The following TMEM175 variants were observed in gnomAD, a reference collection of about 807,000 sequenced individuals.
TMEM175 encodes the protein endosomal/lysosomal proton channel TMEM175.
TMEM175 carries 36 observed loss-of-function variants against 36.5 expected under a neutral mutation model. That is an observed-to-expected ratio of 0.99 (90% CI 0.76 to 1.30). The LOEUF (loss-of-function observed/expected upper bound fraction) is 1.30, where lower values mean the gene tolerates loss of function less well. Ranked by LOEUF, TMEM175 falls within the 50% of genes most tolerant of loss-of-function variation. The pLI, the probability that TMEM175 is intolerant of heterozygous loss-of-function variation, is 0.00. For missense variants in TMEM175, 705 were observed against 692.8 expected (o/e 1.02, Z -0.20); for synonymous variants, 339 against 313.4 (o/e 1.08, Z -0.86).
At position 957,857 on chromosome 4, in the gene TMEM175, G is replaced by A. The variant is rs536166698; in HGVS notation, c.876G>A (p.Lys292=). The A allele has an allele frequency of 2.5e-6, 4 of 1,612,184 alleles. No homozygotes were observed. Among genetic ancestry groups the A allele is most frequent in the Non-Finnish European group, 3.4e-6 (4 of 1,179,676 alleles). The part of the protein sequence containing the change: ...EDNVPDPKDV[K]ERFSGSLVAA... Reference sequence around the variant, plus strand: ...ACGTCCCGGACCCCAAGGATGTGAAGGAGAGGTTCAGCGGCAGCCTCGTGG... The same window carrying A: ...ACGTCCCGGACCCCAAGGATGTGAAAGAGAGGTTCAGCGGCAGCCTCGTGG... The change falls in exon 11 of 11, where the codon AAG becomes AAA. Residue 292 remains lysine (K), a synonymous_variant. Transcript: ENST00000264771.
Position 951,239 on chromosome 4 carries a change from C to T in TMEM175, c.323C>T (p.Thr108Ile). The change falls in exon 5 of 11, where the codon ACA becomes ATA. Residue 108 changes from threonine to isoleucine, a missense_variant. By Grantham distance (89) the Thr-to-Ile change is moderately conservative (BLOSUM62 -1). Transcript: ENST00000264771. The stretch of plus-strand genomic sequence containing the variant: ...CAAGTTGTTGGGAAAACAGACGACA[C>T]ACTTGCCCTGCTCAACCTGGTGAGT... Reference protein sequence around the residue: ...LFQVVGKTDDTLALLNLACMM... With the variant: ...LFQVVGKTDDILALLNLACMM... 2 of 1,614,114 alleles carry T rather than the reference C, an allele frequency of 1.2e-6. No homozygotes were observed. The highest frequency in any genetic ancestry group is 1.1e-5 in the South Asian group (1 of 91,084).
chr4:946,864 C>T (rs1199528345), intron 1 of TMEM175, among the ~76,000 whole-genome samples: 1 of 150,822 alleles, frequency 6.6e-6, no homozygotes, highest in Non-Finnish European at 1.5e-5. Flanking sequence ...CACGCGTGCA[C>T]AGGCGCCGAG....
At chr4:952,312 T>G in intron 6 of TMEM175, 55 bp from the exon 7 acceptor site, 2 of 1,519,708 alleles carry the variant, frequency 1.3e-6, no homozygotes, top group Non-Finnish European at 1.8e-6. Context: ...TTCCAGGCTC[T>G]GGGGCCTGGT....
intron 3 of TMEM175, chr4:948,672 G>A: frequency 8.2e-7 from 1 of 1,212,446 alleles, no homozygotes. Context: ...CTGAGCTAAA[G>A]AGCCAAACAG....
At chr4:955,560 C>T (rs1729505998) in intron 9 of TMEM175, 77 bp downstream of exon 9, 1 of 1,510,624 alleles carries the variant, frequency 6.6e-7, no homozygotes, top group South Asian at 1.1e-5. Flanking sequence ...GCACTGAGGG[C>T]TGTCCGTGGG....
In TMEM175 at chr4:952,710, T is replaced by TGC. The variant is rs199763270; in HGVS notation, c.462+262_462+263dup. ...GGGTCCTGTGCTCTGTGTGTGTGTGTGCGTGTGTGTTCACCATCAGCCCTC... is the reference window on the plus strand; with the variant it reads ...GGGTCCTGTGCTCTGTGTGTGTGTGTGCGCGTGTGTGTTCACCATCAGCCCTC... On this transcript the variant is annotated intron_variant, in intron 7 of 10. Coordinates refer to ENST00000264771, the MANE Select transcript of TMEM175 (RefSeq NM_032326.4). Among the ~76,000 whole-genome samples the TGC allele has an allele frequency of 2.3e-4, 34 of 150,230 alleles. No individual in the cohort carries two copies. In the East Asian group the frequency reaches 4.2e-3, roughly 18 times the overall value.
chr4:949,063 G>T (rs1042649203), intron 3 of TMEM175, among the ~76,000 whole-genome samples: 2 of 152,196 alleles, frequency 1.3e-5, no homozygotes, highest in Admixed American at 6.5e-5. Context: ...CCCTCCCTAG[G>T]GGGGCAGCTG....
intron 10 of TMEM175, chr4:956,233 C>T (rs1729617370): frequency 8.8e-7 from 1 of 1,131,422 alleles, no homozygotes; most frequent in African/African-American, 1.6e-5. Context: ...CAGGCCTCAC[C>T]CCTGCCCCAA....
chr4:952,799 G>A (rs1206702123), intron 7 of TMEM175, among the ~76,000 whole-genome samples: 1 of 151,736 alleles, frequency 6.6e-6, no homozygotes, highest in Non-Finnish European at 1.5e-5. Context: ...ATATGTGTGA[G>A]TGATCGATTG....
At chr4:944,033 A>G (rs952975754) in intron 1 of TMEM175, among the ~76,000 whole-genome samples, 1 of 152,198 alleles carries the variant, frequency 6.6e-6, no homozygotes, top group Non-Finnish European at 1.5e-5. Flanking sequence ...TGGCTCACGC[A>G]TGCAATCCCA....
At chr4:933,258 G>A (rs1184927706) in intron 1 of TMEM175, among the ~76,000 whole-genome samples, 5 of 152,152 alleles carry the variant, frequency 3.3e-5, no homozygotes, top group African/African-American at 1.2e-4. Context: ...TGTAATCCCA[G>A]TGCTTTGGGA....
chr4:956,288 C>A, intron 10 of TMEM175: 1 of 1,282,452 alleles, frequency 7.8e-7, no homozygotes, highest in Admixed American at 2.7e-5. Flanking sequence ...CCCTCCGGCT[C>A]CCTCCCAGTG....
At chr4:935,515 C>T (rs1726691503) in intron 1 of TMEM175, among the ~76,000 whole-genome samples, 1 of 152,104 alleles carries the variant, frequency 6.6e-6, no homozygotes, top group African/African-American at 2.4e-5. Context: ...TAACAAAGCT[C>T]TAAAATACAC....
chr4:955,664 G>C, intron 9 of TMEM175, 91 bp from the exon 10 acceptor site: 1 of 1,542,346 alleles, frequency 6.5e-7, no homozygotes, highest in Non-Finnish European at 8.8e-7. Context: ...CACATTCCAG[G>C]CCTCTTCATG....
chr4:951,562 T>G, intron 5 of TMEM175, 120 bp from the exon 6 acceptor site: 1 of 1,327,778 alleles, frequency 7.5e-7, no homozygotes, highest in Non-Finnish European at 1.1e-6. Flanking sequence ...GGACTCACAC[T>G]CGCTGGCCCA....
At chr4:946,947 C>T (rs1412815423) in intron 1 of TMEM175, among the ~76,000 whole-genome samples, 2 of 138,728 alleles carry the variant, frequency 1.4e-5, no homozygotes, top group Non-Finnish European at 3.1e-5. Flanking sequence ...CGAGGGAGAG[C>T]ACGGCCCCTG....
chr4:942,287 G>T (rs550606149), intron 1 of TMEM175, among the ~76,000 whole-genome samples: 2 of 152,092 alleles, frequency 1.3e-5, no homozygotes, highest in Admixed American at 1.3e-4. Context: ...GGATGATCTC[G>T]ATCTCCTGAC....
At chr4:939,699 G>C (rs768869553) in intron 1 of TMEM175, among the ~76,000 whole-genome samples, 3 of 152,182 alleles carry the variant, frequency 2.0e-5, no homozygotes, top group Admixed American at 2.0e-4. Context: ...CTGAGTGACA[G>C]AGTGAGACTC....
intron 6 of TMEM175, chr4:952,029 C>A: frequency 1.7e-6 from 1 of 584,714 alleles, no homozygotes; most frequent in Non-Finnish European, 3.1e-6. Flanking sequence ...ACCACCCGCC[C>A]TGTACTACTC....
Sources: gnomAD v4.1 joint callset for allele counts (sites outside exome capture counted in the v4.1 genomes callset) on GRCh38, gnomAD v4.1.1 for gene constraint, MANE v1.5 for transcripts, NCBI Gene and HGNC (gene_info 2026-07-23, HGNC 2026-07-21) for gene names.